The following RHPN2 variants were observed in gnomAD, a reference collection of about 807,000 sequenced individuals.
RHPN2 encodes the protein rhophilin-2.
In RHPN2, 40 loss-of-function variants were observed where a neutral mutation model predicts 79.0. The observed-to-expected ratio is 0.51, with a 90% CI of 0.39 to 0.66. The LOEUF is 0.66. RHPN2 is among the 30% of genes least tolerant of loss of function. The pLI is 0.00. For missense variants in RHPN2, 686 were observed against 883.5 expected (o/e 0.78, Z 2.83); for synonymous variants, 285 against 363.5 (o/e 0.78, Z 2.46).
chr19:33,021,831 A>C (rs1333471828), intron 3 of RHPN2, among the ~76,000 whole-genome samples, 185 bp from the exon 4 acceptor site: 1 of 151,910 alleles, frequency 6.6e-6, no homozygotes, highest in East Asian at 1.9e-4. Flanking sequence ...TCTGCTCTAA[A>C]ACTGACCCCG....
chr19:32,990,137 T>TAAAGAAAG (rs67167337), intron 14 of RHPN2, among the ~76,000 whole-genome samples: 928 of 17,876 alleles, frequency 0.052, 17 homozygotes, highest in South Asian at 0.16. Flanking sequence ...AGAAAATGAA[T>TAAAGAAAG]AAAGAAAGAA....
chr19:33,020,603 G>A (rs868149390), intron 4 of RHPN2, among the ~76,000 whole-genome samples: 7 of 151,424 alleles, frequency 4.6e-5, no homozygotes, highest in South Asian at 4.2e-4. Flanking sequence ...AGGTTCGAAC[G>A]ACTCACCTGC....
chr19:33,010,775 G>A (rs1387041816), intron 6 of RHPN2, among the ~76,000 whole-genome samples: 2 of 151,612 alleles, frequency 1.3e-5, no homozygotes, highest in African/African-American at 4.8e-5. Context: ...TCCGCCTCCC[G>A]GGCTCAAGTG....
chr19:33,053,229 T>TCCAC (rs1201888410), intron 1 of RHPN2, among the ~76,000 whole-genome samples: 1 of 151,872 alleles, frequency 6.6e-6, no homozygotes, highest in Non-Finnish European at 1.5e-5. Context: ...CCTCAAGTGA[T>TCCAC]CCACCCACCT....
intron 9 of RHPN2, among the ~76,000 whole-genome samples, 166 bp downstream of exon 9, chr19:33,002,081 A>C (rs1347190809): frequency 6.6e-6 from 1 of 151,788 alleles, no homozygotes; most frequent in Non-Finnish European, 1.5e-5. Flanking sequence ...CCCTAACCCC[A>C]CCATGGCCTG....
intron 6 of RHPN2, among the ~76,000 whole-genome samples, chr19:33,009,187 C>T (rs1241127374): frequency 6.6e-6 from 1 of 151,948 alleles, no homozygotes; most frequent in African/African-American, 2.4e-5. Flanking sequence ...GGATCACTGT[C>T]ATTCTATGTT....
At chr19:33,029,889 C>T (rs1599825444) in intron 2 of RHPN2, among the ~76,000 whole-genome samples, 1 of 152,190 alleles carries the variant, frequency 6.6e-6, no homozygotes, top group Non-Finnish European at 1.5e-5. Context: ...GCTTAACTCC[C>T]CCAGCAAAGA....
At chr19:33,022,804 G>A (rs8105088) in intron 3 of RHPN2, among the ~76,000 whole-genome samples, 8,849 of 152,284 alleles carry the variant, frequency 0.058, 515 homozygotes, top group African/African-American at 0.16. Context: ...CAATGCAGCT[G>A]TAAGCTGAAC....
intron 1 of RHPN2, among the ~76,000 whole-genome samples, chr19:33,063,289 A>G (rs1972297618): frequency 6.6e-6 from 1 of 151,828 alleles, no homozygotes; most frequent in Non-Finnish European, 1.5e-5. Context: ...TTTTAATGCT[A>G]AAAGCAACTT....
intron 1 of RHPN2, among the ~76,000 whole-genome samples, chr19:33,050,598 G>A (rs954132372): frequency 2.0e-5 from 3 of 152,150 alleles, no homozygotes; most frequent in Non-Finnish European, 4.4e-5. Flanking sequence ...CAGATAGGAT[G>A]TAGACTTTTA....
rs748949924 is a variant in RHPN2, at chr19:33,002,254, G to A, written c.1098C>T (p.Asp366=). 1.2e-6 allele frequency: 2 copies of A among 1,612,884 alleles called. No homozygotes were observed. The highest frequency in any genetic ancestry group is 1.7e-6 in the Non-Finnish European group (2 of 1,179,808). The part of the protein sequence containing the change: ...AHYFTAILLI[D]HQVKPGTDLD... Reference sequence around the variant, plus strand: ...GAACCCCCCAGGCCTTACCCTGGTGGTCGATGAGGAGGATGGCAGTGAAGT... The same window carrying A: ...GAACCCCCCAGGCCTTACCCTGGTGATCGATGAGGAGGATGGCAGTGAAGT... Residue 366 remains aspartate (D), a synonymous_variant, in exon 9 of 15, where the codon GAC becomes GAT. Transcript: ENST00000254260.
At chr19:32,983,817 G>A (rs1180789185) in intron 14 of RHPN2, among the ~76,000 whole-genome samples, 2 of 151,854 alleles carry the variant, frequency 1.3e-5, no homozygotes, top group Non-Finnish European at 2.9e-5. Flanking sequence ...AGTAGAGACA[G>A]GGTTTCACCA....
intron 12 of RHPN2, among the ~76,000 whole-genome samples, chr19:32,993,537 C>G (rs1215764837): frequency 6.6e-6 from 1 of 151,536 alleles, no homozygotes; most frequent in Non-Finnish European, 1.5e-5. Flanking sequence ...ATGTTTGTAC[C>G]CTCCCAAAGT....
intron 1 of RHPN2, chr19:33,051,646 C>A: frequency 5.2e-6 from 1 of 193,790 alleles, no homozygotes. Context: ...GAAATCTGTT[C>A]AGTGAACAGA....
intron 4 of RHPN2, among the ~76,000 whole-genome samples, chr19:33,019,410 T>A (rs1279594125): frequency 1.3e-5 from 2 of 151,512 alleles, no homozygotes; most frequent in African/African-American, 2.4e-5. Context: ...AGAAACCCCG[T>A]CTCTGCTAAA....
At chr19:33,025,014 G>A (rs976305362) in intron 3 of RHPN2, among the ~76,000 whole-genome samples, 1 of 152,138 alleles carries the variant, frequency 6.6e-6, no homozygotes, top group African/African-American at 2.4e-5. Flanking sequence ...GCCTCCTGAA[G>A]AGCCGGGATT....
At chr19:33,011,976 C>T (rs1290225522) in intron 5 of RHPN2, among the ~76,000 whole-genome samples, 173 bp from the exon 6 acceptor site, 2 of 151,382 alleles carry the variant, frequency 1.3e-5, no homozygotes, top group African/African-American at 4.9e-5. Flanking sequence ...GGGAGGAAGT[C>T]AGAAATCCTG....
intron 10 of RHPN2, among the ~76,000 whole-genome samples, chr19:32,998,440 C>CA (rs780166144): frequency 1.5e-4 from 23 of 152,148 alleles, no homozygotes; most frequent in Middle Eastern, 3.4e-3. Flanking sequence ...GCCAGGAGTT[C>CA]AAAACCAGCC....
At chr19:33,050,934 AT>A (rs1021417191) in intron 1 of RHPN2, among the ~76,000 whole-genome samples, 35 of 152,082 alleles carry the variant, frequency 2.3e-4, no homozygotes, top group African/African-American at 8.5e-4. Flanking sequence ...TTTGGATTAA[AT>A]TTTCTAGCAC....
Sources: gnomAD v4.1 joint callset for allele counts (sites outside exome capture counted in the v4.1 genomes callset) on GRCh38, gnomAD v4.1.1 for gene constraint, MANE v1.5 for transcripts, NCBI Gene and HGNC (gene_info 2026-07-23, HGNC 2026-07-21) for gene names.